The following RGS9 variants were observed in gnomAD, a reference collection of about 807,000 sequenced individuals.
RGS9 encodes the protein regulator of G protein signaling 9.
Under a neutral mutation model 102.0 loss-of-function variants are expected in RGS9, and 78 were observed. The observed-to-expected ratio is 0.76, with a 90% CI of 0.64 to 0.92. RGS9 has a LOEUF of 0.92. Among genes scored for constraint, RGS9 ranks in the 40% least tolerant of loss-of-function variants. The pLI, the probability that RGS9 is intolerant of heterozygous loss-of-function variation, is 0.00. For synonymous variants in RGS9, 353 were observed against 318.6 expected (o/e 1.11, Z -1.15); for missense variants, 833 against 866.1 (o/e 0.96, Z 0.48).
intron 9 of RGS9, chr17:65,185,342 T>A (rs1361113336): frequency 6.6e-6 from 1 of 152,348 alleles, no homozygotes; most frequent in African/African-American, 2.4e-5. Flanking sequence ...GGAGTTTTTT[T>A]AGATCTTGAC....
intron 8 of RGS9, among the ~76,000 whole-genome samples, chr17:65,174,454 T>A (rs1363143554): frequency 6.6e-6 from 1 of 151,912 alleles, no homozygotes; most frequent in East Asian, 1.9e-4. Context: ...CATGTGTGCA[T>A]GTGTGTGAGC....
Position 65,189,181 on chromosome 17 carries a change from A to G in RGS9, c.655-105A>G, listed in dbSNP as rs528333514. 72 of 903,702 alleles carry G rather than the reference A, an allele frequency of 8.0e-5. No individual in the cohort carries two copies. In the African/African-American group the frequency reaches 1.2e-3, roughly 15 times the overall value. 56.0% of individuals were successfully genotyped at this position (903,702 alleles called of 1,614,324 possible). A position where few individuals can be genotyped will look rare whatever the true frequency, so the allele number is the denominator to read the frequency against. ...ATCCTATCTTTTAAGAAAGAAAAAAATGGGCATTTTTCTCATGGGGAAGGA... is the reference window on the plus strand; with the variant it reads ...ATCCTATCTTTTAAGAAAGAAAAAAGTGGGCATTTTTCTCATGGGGAAGGA... On this transcript the variant is annotated intron_variant, in intron 9 of 18. Transcript: ENST00000262406.
At chr17:65,158,262 T>C in intron 2 of RGS9, 33 bp from the exon 3 acceptor site, 1 of 1,610,600 alleles carries the variant, frequency 6.2e-7, no homozygotes, top group South Asian at 1.1e-5. Context: ...CAGGAGGCTA[T>C]GACAATAACC....
chr17:65,174,162 A>G (rs1911525264), intron 8 of RGS9, among the ~76,000 whole-genome samples: 1 of 152,024 alleles, frequency 6.6e-6, no homozygotes, highest in Non-Finnish European at 1.5e-5. Context: ...GGCATAGAGG[A>G]CTCTATCTCA....
At chr17:65,186,580 A>G (rs537504223) in intron 9 of RGS9, among the ~76,000 whole-genome samples, 1 of 152,264 alleles carries the variant, frequency 6.6e-6, no homozygotes, top group Non-Finnish European at 1.5e-5. Flanking sequence ...CAAGGAAGGA[A>G]TGGGAAGAGA....
chr17:65,204,045 C>T lies in RGS9; in HGVS notation c.1065-118C>T. The T allele has an allele frequency of 2.4e-6, 3 of 1,238,584 alleles. No individual in the cohort carries two copies. In the South Asian group the frequency reaches 3.8e-5, roughly 16 times the overall value. The allele number at this position is 1,238,584 out of a possible 1,614,324, so 76.7% of individuals were successfully genotyped here. ...TGCTCTTTAGTGTCTCCTAAAAAAA[C>T]CACCACCCTCACCCTCGGTAACCGA... is the stretch of plus-strand genomic sequence containing the variant. On this transcript the variant is annotated intron_variant, in intron 14 of 18. Transcript: ENST00000262406.
At chr17:65,160,974 T>G in intron 6 of RGS9, 65 bp downstream of exon 6, 1 of 1,335,330 alleles carries the variant, frequency 7.5e-7, no homozygotes, top group Non-Finnish European at 1.1e-6. Context: ...AGCTGTACTT[T>G]CCTCATTCCC....
chr17:65,176,754 C>T (rs368342685), intron 8 of RGS9, among the ~76,000 whole-genome samples: 5,337 of 122,234 alleles, frequency 0.044, 108 homozygotes, highest in Middle Eastern at 0.073. Flanking sequence ...CATCCATCCA[C>T]CCATCCACCC....
At chr17:65,224,527 G>A (rs1417562976) in intron 17 of RGS9, among the ~76,000 whole-genome samples, 3 of 152,222 alleles carry the variant, frequency 2.0e-5, no homozygotes, top group Non-Finnish European at 4.4e-5. Context: ...AGTCAGGAAG[G>A]CATGAGCTGG....
chr17:65,223,783 C>T (rs1309990042), intron 17 of RGS9, among the ~76,000 whole-genome samples: 2 of 145,118 alleles, frequency 1.4e-5, no homozygotes, highest in Non-Finnish European at 3.0e-5. Context: ...TGGAGTTTTG[C>T]TCTGTCACCC....
chr17:65,176,280 A>C (rs1911621338), intron 8 of RGS9, among the ~76,000 whole-genome samples: 1 of 152,236 alleles, frequency 6.6e-6, no homozygotes, highest in Non-Finnish European at 1.5e-5. Flanking sequence ...GTTTTGGGCC[A>C]TTCTTTTACA....
At chr17:65,191,520 G>A (rs372191860) in intron 11 of RGS9, among the ~76,000 whole-genome samples, 35 of 152,018 alleles carry the variant, frequency 2.3e-4, no homozygotes, top group Middle Eastern at 3.4e-3. Flanking sequence ...GGCTGAGGTC[G>A]GGGCGGATCA....
chr17:65,202,444 T>TGTGTGAGAGAGAGA (rs3838367), intron 14 of RGS9, among the ~76,000 whole-genome samples: 1 of 131,708 alleles, frequency 7.6e-6, no homozygotes, highest in Non-Finnish European at 1.6e-5. Context: ...TGTGTGTGTG[T>TGTGTGAGAGAGAGA]GAGAGAGAGA....
In RGS9 at chr17:65,227,469, T is replaced by A; in HGVS notation, c.*62T>A. 1 of 1,568,494 alleles carries A rather than the reference T, an allele frequency of 6.4e-7. No homozygotes were observed. The highest frequency in any genetic ancestry group is 8.7e-7 in the Non-Finnish European group (1 of 1,155,658). On this transcript the variant is annotated 3_prime_UTR_variant, in exon 19 of 19. Coordinates refer to ENST00000262406, the MANE Select transcript of RGS9 (RefSeq NM_003835.4). ...GAAGATGCTCTGACAGATGCCATGG[T>A]ATGGGCCACAGGACACACTTGCTCG...
At chr17:65,189,080 G>A (rs543026041) in intron 9 of RGS9, 21 of 602,028 alleles carry the variant, frequency 3.5e-5, no homozygotes, top group Middle Eastern at 8.8e-4. Context: ...ACGCTCCTTC[G>A]CTTACAAAAT....
At chr17:65,169,393 G>T (rs1270251746) in intron 8 of RGS9, among the ~76,000 whole-genome samples, 5 of 152,174 alleles carry the variant, frequency 3.3e-5, no homozygotes, top group Non-Finnish European at 7.4e-5. Flanking sequence ...TGGGGGCCGG[G>T]TGACAGAGCA....
intron 9 of RGS9, among the ~76,000 whole-genome samples, chr17:65,183,691 C>T (rs1048832564): frequency 6.6e-6 from 1 of 152,154 alleles, no homozygotes; most frequent in Admixed American, 6.5e-5. Context: ...CAGTGCTGCC[C>T]GATTCCTCAC....
intron 8 of RGS9, among the ~76,000 whole-genome samples, chr17:65,174,884 G>A (rs937497735): frequency 1.3e-5 from 2 of 152,218 alleles, no homozygotes; most frequent in Non-Finnish European, 1.5e-5. Context: ...GAGAGAGAGC[G>A]AGTATGTGAA....
intron 14 of RGS9, 109 bp downstream of exon 14, chr17:65,202,189 G>A: frequency 1.3e-6 from 1 of 761,846 alleles, no homozygotes; most frequent in Non-Finnish European, 2.3e-6. Context: ...GTAGCTGGCT[G>A]GGCCCTGGTC....
Sources: allele counts gnomAD v4.1 joint callset (sites outside exome capture counted in the v4.1 genomes callset), GRCh38; gene constraint gnomAD v4.1.1; transcripts MANE v1.5; gene names NCBI Gene and HGNC (gene_info 2026-07-23, HGNC 2026-07-21).